Variants in CCDC171 observed in about 807,000 individuals in gnomAD.
CCDC171 encodes coiled-coil domain-containing protein 171.
A neutral mutation model predicts 168.2 loss-of-function variants in CCDC171; 177 were observed. That is an observed-to-expected ratio of 1.05 (90% CI 0.93 to 1.19). CCDC171 has a LOEUF of 1.19. CCDC171 is among the 50% of genes most tolerant of loss of function. The probability of loss-of-function intolerance (pLI) is 0.00; values close to 1 mark genes in which losing one functional copy is unlikely to be tolerated. For missense variants in CCDC171, 1,991 were observed against 1,539.0 expected (o/e 1.29, Z -4.91); for synonymous variants, 687 against 540.8 (o/e 1.27, Z -3.75).
chr9:16,101,896 A>G, the CCDC171 span, among the ~76,000 whole-genome samples: 1 of 152,230 alleles, frequency 6.6e-6, no homozygotes, highest in African/African-American at 2.4e-5. Flanking sequence ...CCTGGCCAAC[A>G]CCTTGACTTT....
intron 24 of CCDC171, among the ~76,000 whole-genome samples, chr9:15,916,301 T>C (rs533504248): frequency 6.6e-6 from 1 of 152,010 alleles, no homozygotes; most frequent in Non-Finnish European, 1.5e-5. Flanking sequence ...TAATACTCAT[T>C]TAATTTCTAT....
chr9:15,792,169 G>A (rs2058303920), intron 21 of CCDC171, among the ~76,000 whole-genome samples: 1 of 152,212 alleles, frequency 6.6e-6, no homozygotes, highest in Non-Finnish European at 1.5e-5. Context: ...AGAACTACGT[G>A]ATGAATGCAC....
chr9:15,571,968 GTTATC>G (rs2040259950), intron 3 of CCDC171, among the ~76,000 whole-genome samples: 1 of 152,068 alleles, frequency 6.6e-6, no homozygotes, highest in Admixed American at 6.5e-5. Flanking sequence ...TTATTTGTAT[GTTATC>G]TTAGATTTAT....
intron 25 of CCDC171, among the ~76,000 whole-genome samples, chr9:15,939,273 A>T (rs2132265866): frequency 6.6e-6 from 1 of 151,858 alleles, no homozygotes; most frequent in Non-Finnish European, 1.5e-5. Context: ...ATCTTAGTTC[A>T]TGTACTTATA....
intron 8 of CCDC171, among the ~76,000 whole-genome samples, chr9:15,658,775 G>A (rs1298175527): frequency 6.6e-6 from 1 of 152,134 alleles, no homozygotes. Context: ...GTCTCCAGAA[G>A]GAATGGAGTC....
At chr9:15,839,121 A>T (rs1408549554) in intron 21 of CCDC171, among the ~76,000 whole-genome samples, 1 of 152,180 alleles carries the variant, frequency 6.6e-6, no homozygotes, top group African/African-American at 2.4e-5. Flanking sequence ...ATTTTTTATT[A>T]GTACATTTAA....
Position 15,846,731 on chromosome 9 carries a change from A to G in CCDC171, c.3297A>G (p.Arg1099=), listed in dbSNP as rs146646466. 3.2e-5 allele frequency: 51 copies of G among 1,612,984 alleles called. No individual in the cohort carries two copies. In the African/African-American group the frequency reaches 6.1e-4, roughly 19 times the overall value. Residue 1099 remains arginine (R), a synonymous_variant, in exon 22 of 26, where the codon AGA becomes AGG. Transcript: ENST00000380701. ...KSLSEAKMEL[R]RKDQSLRQLN... The stretch of plus-strand genomic sequence containing the variant: ...TCTCCGAGGCAAAGATGGAGCTGAG[A>G]AGAAAAGATCAATCTCTGCGTCAGC...
At chr9:15,745,209 C>T (rs535969440) in intron 17 of CCDC171, among the ~76,000 whole-genome samples, 1 of 152,162 alleles carries the variant, frequency 6.6e-6, no homozygotes, top group African/African-American at 2.4e-5. Flanking sequence ...TGTAAATTTT[C>T]CAGTTGTGTT....
At chr9:15,852,286 G>T (rs1002350131) in intron 23 of CCDC171, among the ~76,000 whole-genome samples, 15 of 151,796 alleles carry the variant, frequency 9.9e-5, no homozygotes, top group African/African-American at 3.6e-4. Flanking sequence ...TGACTACTAT[G>T]TAGTATCTCA....
chr9:16,072,904 A>G, the CCDC171 span, among the ~76,000 whole-genome samples: 1 of 152,320 alleles, frequency 6.6e-6, no homozygotes, highest in South Asian at 2.1e-4. Context: ...AAATGCAAGA[A>G]CTAATCACCT....
chr9:15,739,929 G>A (rs1341827628), intron 16 of CCDC171, among the ~76,000 whole-genome samples: 4 of 151,878 alleles, frequency 2.6e-5, no homozygotes, highest in Non-Finnish European at 4.4e-5. Flanking sequence ...AGTAGAGATG[G>A]GGTTTCACTG....
intron 24 of CCDC171, among the ~76,000 whole-genome samples, chr9:15,896,196 G>C (rs1820874568): frequency 6.6e-6 from 1 of 151,884 alleles, no homozygotes; most frequent in Non-Finnish European, 1.5e-5. Context: ...GTTCTACTTG[G>C]AAGTAACATA....
At chr9:15,797,353 A>G (rs1188419552) in intron 21 of CCDC171, among the ~76,000 whole-genome samples, 2 of 152,056 alleles carry the variant, frequency 1.3e-5, no homozygotes, top group Non-Finnish European at 2.9e-5. Flanking sequence ...AGTAGCTAGG[A>G]CTACAGGCGC....
At chr9:16,094,283 A>T in the CCDC171 span, among the ~76,000 whole-genome samples, 1 of 152,260 alleles carries the variant, frequency 6.6e-6, no homozygotes, top group African/African-American at 2.4e-5. Flanking sequence ...TCTAAAATTT[A>T]CAATGTTGAC....
chr9:16,017,858 A>G (rs974985685), intron 3 of CCDC171, among the ~76,000 whole-genome samples: 3 of 152,184 alleles, frequency 2.0e-5, no homozygotes, highest in Admixed American at 1.3e-4. Context: ...TAACTTTAAG[A>G]GCAGCACCGC....
intron 16 of CCDC171, among the ~76,000 whole-genome samples, chr9:15,741,545 G>GC (rs1280830375): frequency 6.6e-6 from 1 of 152,146 alleles, no homozygotes; most frequent in Non-Finnish European, 1.5e-5. Flanking sequence ...AGGCATTTGT[G>GC]TTTTTCCTAC....
At chr9:16,006,454 A>T (rs565765181) in intron 3 of CCDC171, among the ~76,000 whole-genome samples, 3 of 152,246 alleles carry the variant, frequency 2.0e-5, no homozygotes, top group Admixed American at 2.0e-4. Flanking sequence ...ATTATACTTT[A>T]AGTTTTAGGG....
chr9:15,906,886 A>G (rs932473870), intron 24 of CCDC171, among the ~76,000 whole-genome samples: 10 of 152,066 alleles, frequency 6.6e-5, no homozygotes, highest in African/African-American at 9.7e-5. Context: ...ATAACAGACA[A>G]GCAGACATCC....
chr9:16,073,164 CA>C, the CCDC171 span, among the ~76,000 whole-genome samples: 5 of 152,180 alleles, frequency 3.3e-5, no homozygotes, highest in Non-Finnish European at 5.9e-5. Context: ...ACTGAAGCTG[CA>C]AATAAGGAAC....
Sources: allele counts gnomAD v4.1 joint callset (sites outside exome capture counted in the v4.1 genomes callset), GRCh38; gene constraint gnomAD v4.1.1; transcripts MANE v1.5; gene names NCBI Gene and HGNC (gene_info 2026-07-23, HGNC 2026-07-21).